Variants in SAP30BP observed in about 807,000 individuals in gnomAD.
SAP30BP encodes SAP30-binding protein.
Under a neutral mutation model 46.3 loss-of-function variants are expected in SAP30BP, and 31 were observed. That is an observed-to-expected ratio of 0.67 (90% confidence interval 0.50 to 0.90). The LOEUF is 0.90. Among genes scored for constraint, SAP30BP ranks in the 40% least tolerant of loss-of-function variants. The pLI, the probability that SAP30BP is intolerant of heterozygous loss-of-function variation, is 0.00. For missense variants in SAP30BP, 312 were observed against 391.0 expected, an observed-to-expected ratio of 0.80 and a Z score of 1.70; for synonymous variants, 169 against 144.2, an observed-to-expected ratio of 1.17 and a Z score of -1.23.
At chr17:75,694,868 T>C (rs1427035120) in intron 4 of SAP30BP, among the ~76,000 whole-genome samples, 1 of 152,224 alleles carries the variant, frequency 6.6e-6, no homozygotes, top group African/African-American at 2.4e-5. Context: ...CTTGTCACTT[T>C]TTCTCCCTGT....
chr17:75,682,863 T>C (rs2060101984), intron 3 of SAP30BP, among the ~76,000 whole-genome samples: 1 of 148,558 alleles, frequency 6.7e-6, no homozygotes, highest in African/African-American at 2.5e-5. Context: ...CTCAGGAGGC[T>C]GAGGCAGGAG....
At chr17:75,682,701 T>A (rs138220710) in intron 3 of SAP30BP, among the ~76,000 whole-genome samples, 12 of 152,036 alleles carry the variant, frequency 7.9e-5, no homozygotes, top group East Asian at 3.9e-4. Flanking sequence ...CAGTGGCTCA[T>A]GCCTGTAATC....
intron 3 of SAP30BP, chr17:75,683,585 T>C (rs1351872722): frequency 1.3e-5 from 2 of 152,226 alleles, no homozygotes. Context: ...TGTCTGCAGT[T>C]TCCCTCTAAT....
At chr17:75,693,098 C>T (rs577099179) in intron 3 of SAP30BP, 1 of 219,150 alleles carries the variant, frequency 4.6e-6, no homozygotes, top group South Asian at 7.9e-5. Context: ...GGCAAGCTTC[C>T]TCAGACCCAG....
intron 3 of SAP30BP, chr17:75,684,610 G>A (rs779061168): frequency 2.0e-5 from 3 of 152,338 alleles, no homozygotes; most frequent in East Asian, 3.9e-4. Context: ...CGCTCAACAC[G>A]ATGGATGGTC....
At chr17:75,679,195 A>T (rs1191110732) in intron 3 of SAP30BP, among the ~76,000 whole-genome samples, 2 of 151,798 alleles carry the variant, frequency 1.3e-5, no homozygotes, top group African/African-American at 4.8e-5. Flanking sequence ...ACAGGGTTTC[A>T]CCATGTTAGC....
intron 3 of SAP30BP, among the ~76,000 whole-genome samples, chr17:75,676,031 T>C (rs528760011): frequency 1.3e-5 from 2 of 152,276 alleles, no homozygotes; most frequent in Non-Finnish European, 2.9e-5. Flanking sequence ...CAAATCTCTT[T>C]AATGTCTGGC....
chr17:75,690,237 C>T (rs912038307), intron 3 of SAP30BP, among the ~76,000 whole-genome samples: 3 of 152,108 alleles, frequency 2.0e-5, no homozygotes, highest in Non-Finnish European at 4.4e-5. Flanking sequence ...TAAATACCTC[C>T]TATCTGAGAC....
At chr17:75,683,161 A>G (rs2060109622) in intron 3 of SAP30BP, among the ~76,000 whole-genome samples, 1 of 149,164 alleles carries the variant, frequency 6.7e-6, no homozygotes, top group African/African-American at 2.5e-5. Context: ...CTTCTGCCTC[A>G]GCCTCCCCAA....
At chr17:75,672,556 T>C (rs1453664521) in intron 3 of SAP30BP, among the ~76,000 whole-genome samples, 4 of 152,180 alleles carry the variant, frequency 2.6e-5, no homozygotes, top group Non-Finnish European at 5.9e-5. Context: ...GTGTACTTGC[T>C]GAAGAGTCAT....
At chr17:75,669,002 G>A (rs190578192) in intron 2 of SAP30BP, among the ~76,000 whole-genome samples, 1 of 151,828 alleles carries the variant, frequency 6.6e-6, no homozygotes, top group East Asian at 1.9e-4. Flanking sequence ...TTTAATCTTG[G>A]TTGGGGCTCA....
At chr17:75,673,890 G>A (rs781493612) in intron 3 of SAP30BP, among the ~76,000 whole-genome samples, 2 of 152,120 alleles carry the variant, frequency 1.3e-5, no homozygotes, top group Admixed American at 6.5e-5. Flanking sequence ...GATGTGCTTC[G>A]CTGTTCCTCA....
intron 6 of SAP30BP, chr17:75,703,021 A>G (rs984015730): frequency 3.5e-5 from 16 of 457,000 alleles, no homozygotes; most frequent in Non-Finnish European, 5.9e-5. Flanking sequence ...TACAGGGAAA[A>G]GAGCATGGCC....
Position 75,706,272 on chromosome 17 carries a change from G to T in SAP30BP, c.746-68G>T. 1.9e-6 allele frequency: 3 copies of T among 1,563,318 alleles called. No individual in the cohort carries two copies. The highest frequency in any genetic ancestry group is 2.6e-6 in the Non-Finnish European group (3 of 1,147,460). On this transcript the variant is annotated intron_variant, in intron 10 of 10. Transcript: ENST00000584667. The surrounding 1 kb of genome is among the most constrained non-coding windows in gnomAD (Gnocchi z 4.6). ...CTGCTCCCTAGACTCCCGCTGGCCTGCAGGGGGAAGGGAAAGAGGGCACCG... is the reference window on the plus strand; with the variant it reads ...CTGCTCCCTAGACTCCCGCTGGCCTTCAGGGGGAAGGGAAAGAGGGCACCG...
At chr17:75,683,056 T>TTA in intron 3 of SAP30BP, among the ~76,000 whole-genome samples, 1 of 148,698 alleles carries the variant, frequency 6.7e-6, no homozygotes, top group Non-Finnish European at 1.5e-5. Context: ...ATTTATTTAT[T>TTA]TTTTTTGAGA....
chr17:75,694,692 G>A (rs920273563), intron 4 of SAP30BP, among the ~76,000 whole-genome samples: 1 of 152,174 alleles, frequency 6.6e-6, no homozygotes, highest in Non-Finnish European at 1.5e-5. Flanking sequence ...GCCATCACCC[G>A]AGCCGACCCT....
chr17:75,703,611 T>A, intron 7 of SAP30BP, 197 bp from the exon 8 acceptor site: 1 of 642,238 alleles, frequency 1.6e-6, no homozygotes, highest in Non-Finnish European at 2.8e-6. Context: ...CTGCTGCTCC[T>A]GGGGTTCGCT....
intron 4 of SAP30BP, among the ~76,000 whole-genome samples, chr17:75,693,946 G>A (rs2060276630): frequency 6.6e-6 from 1 of 152,158 alleles, no homozygotes. Context: ...TTTGTGATTT[G>A]GGAGGAGCAG....
intron 3 of SAP30BP, chr17:75,692,139 T>TTTC: frequency 1.3e-6 from 1 of 782,784 alleles, no homozygotes; most frequent in Non-Finnish European, 1.6e-6. Context: ...GTTGAATGAA[T>TTTC]AGCTGCAGTG....
Sources: gnomAD v4.1 joint callset for allele counts (sites outside exome capture counted in the v4.1 genomes callset) on GRCh38, gnomAD v4.1.1 for gene constraint, Gnocchi (gnomAD v3.1) non-coding constraint, MANE v1.5 for transcripts, NCBI Gene and HGNC (gene_info 2026-07-23, HGNC 2026-07-21) for gene names.